The following SPIRE1 variants were observed in gnomAD, a reference collection of about 807,000 sequenced individuals.
SPIRE1 encodes spire type actin nucleation factor 1.
In SPIRE1, 40 loss-of-function variants were observed where a neutral mutation model predicts 94.1. The ratio of observed to expected loss-of-function variants is 0.43; its 90% CI spans 0.33 to 0.55. The LOEUF (loss-of-function observed/expected upper bound fraction) is 0.55. Among genes scored for constraint, SPIRE1 ranks in the 20% least tolerant of loss-of-function variants. The pLI is 0.06. For missense variants in SPIRE1, 838 were observed against 975.2 expected (o/e 0.86, Z 1.87); for synonymous variants, 376 against 371.7 (o/e 1.01, Z -0.13).
At chr18:12,579,190 CACACACACAT>C (rs766449281) in intron 2 of SPIRE1, among the ~76,000 whole-genome samples, 1,388 of 77,470 alleles carry the variant, frequency 0.018, 11 homozygotes, top group African/African-American at 0.03. Flanking sequence ...AAAGTTTACA[CACACACACAT>C]ACACACACAC....
chr18:12,643,414 A>G (rs1265662450), intron 1 of SPIRE1, among the ~76,000 whole-genome samples: 1 of 152,252 alleles, frequency 6.6e-6, no homozygotes, highest in African/African-American at 2.4e-5. Flanking sequence ...ATGTTCTACT[A>G]TTCCCTATCA....
At chr18:12,507,865 G>A (rs575006295) in intron 5 of SPIRE1, among the ~76,000 whole-genome samples, 1 of 152,168 alleles carries the variant, frequency 6.6e-6, no homozygotes, top group East Asian at 1.9e-4. Flanking sequence ...CAAGTGACAT[G>A]GCTGAGCGCA....
intron 2 of SPIRE1, among the ~76,000 whole-genome samples, chr18:12,548,641 T>C (rs530529581): frequency 3.3e-5 from 5 of 151,262 alleles, no homozygotes; most frequent in Non-Finnish European, 7.4e-5. Flanking sequence ...AGACAAGGTC[T>C]CACTCTGTCA....
rs1250856426 is a variant in SPIRE1, at chr18:12,535,613, G to A, written c.604-12C>T. The A allele has an allele frequency of 1.2e-6, 2 of 1,602,610 alleles. No individual in the cohort carries two copies. The highest frequency in any genetic ancestry group is 1.7e-6 in the Non-Finnish European group (2 of 1,173,802). On this transcript the variant is annotated splice_polypyrimidine_tract_variant and intron_variant, in intron 3 of 16. Coordinates refer to ENST00000409402, the MANE Select transcript of SPIRE1 (RefSeq NM_001128626.2). ...TGAGCAGCACACAACTATAGAAGGG[G>A]AAAATAAAATAATGGTGCTTGGTTA...
At chr18:12,516,155 T>C (rs370063032) in intron 4 of SPIRE1, 90 of 152,306 alleles carry the variant, frequency 5.9e-4, no homozygotes, top group African/African-American at 1.9e-3. Flanking sequence ...AGCATTAATT[T>C]TTCAAGAAAG....
chr18:12,550,797 C>A (rs183122088), intron 2 of SPIRE1, among the ~76,000 whole-genome samples: 1 of 152,326 alleles, frequency 6.6e-6, no homozygotes, highest in Admixed American at 6.5e-5. Context: ...CCATTCTCAT[C>A]CTAAATGACT....
At position 12,596,645 on chromosome 18, in the gene SPIRE1, A is replaced by C. The variant is rs2036678163; in HGVS notation, c.372+38417T>G. Among the ~76,000 whole-genome samples, 3 of 152,168 alleles carry C rather than the reference A, an allele frequency of 2.0e-5. No homozygotes were observed. In the South Asian group the frequency reaches 6.2e-4, roughly 31 times the overall value. ...CTCATATAAAATTCCATATATTATA[A>C]TGATTATGGCATTGGATCTAATTTT... On this transcript the variant is annotated intron_variant, in intron 2 of 16. Transcript: ENST00000409402.
At chr18:12,571,161 G>A (rs997475632) in intron 2 of SPIRE1, among the ~76,000 whole-genome samples, 8 of 151,994 alleles carry the variant, frequency 5.3e-5, no homozygotes, top group South Asian at 2.1e-4. Flanking sequence ...TGCAACCTCC[G>A]CTTCCTGGGT....
chr18:12,474,883 T>C (rs1037078136), intron 10 of SPIRE1, among the ~76,000 whole-genome samples: 3 of 151,896 alleles, frequency 2.0e-5, no homozygotes, highest in Non-Finnish European at 4.4e-5. Flanking sequence ...AGAGGGAAAA[T>C]GGGGAAGTAG....
chr18:12,461,587 A>ATGTATGTATGTATG (rs1598892650), intron 12 of SPIRE1, among the ~76,000 whole-genome samples: 2 of 147,406 alleles, frequency 1.4e-5, no homozygotes, highest in Non-Finnish European at 3.0e-5. Context: ...ACATATGTAT[A>ATGTATGTATGTATG]TACATACATA....
intron 8 of SPIRE1, among the ~76,000 whole-genome samples, chr18:12,491,738 C>A (rs940002206): frequency 3.3e-5 from 5 of 152,150 alleles, no homozygotes; most frequent in African/African-American, 7.2e-5. Context: ...GAAGGTCACA[C>A]AACAGAAGGG....
upstream of SPIRE1, chr18:12,658,206 G>A (rs190716086): frequency 5.3e-4 from 323 of 610,370 alleles, 2 homozygotes; most frequent in African/African-American, 6.0e-3. Flanking sequence ...CGCTCTGGAG[G>A]TGAGGACCAG....
rs529668495 is a variant in SPIRE1, at chr18:12,471,091, C to T, written c.1405-6133G>A. Among the ~76,000 whole-genome samples the T allele has an allele frequency of 6.3e-3, 827 of 131,948 alleles. 1 individual carries two copies. Among genetic ancestry groups the T allele is most frequent in the Non-Finnish European group, 9.9e-3 (631 of 63,838 alleles). The allele number at this position is 131,948 out of a possible 152,430, so 86.6% of individuals were successfully genotyped here. A position where few individuals can be genotyped will look rare whatever the true frequency, so the allele number is the denominator to read the frequency against. The stretch of plus-strand genomic sequence containing the variant: ...AGCTTTGATATGGCTACAATCAAAA[C>T]TCATCTTTCAGTAAAAAAAAAAAAA... On this transcript the variant is annotated intron_variant, in intron 10 of 16. Coordinates refer to ENST00000409402, the MANE Select transcript of SPIRE1 (RefSeq NM_001128626.2).
chr18:12,472,294 A>T (rs1302174339), intron 10 of SPIRE1, among the ~76,000 whole-genome samples: 1 of 150,314 alleles, frequency 6.7e-6, no homozygotes, highest in Non-Finnish European at 1.5e-5. Context: ...ACAACTAAAA[A>T]CCCCAGCAAC....
At chr18:12,609,089 T>C (rs2037066173) in intron 2 of SPIRE1, among the ~76,000 whole-genome samples, 1 of 152,262 alleles carries the variant, frequency 6.6e-6, no homozygotes, top group East Asian at 1.9e-4. Context: ...ACAATAGGGT[T>C]CGAGCTTCTA....
intron 2 of SPIRE1, among the ~76,000 whole-genome samples, chr18:12,606,892 G>T (rs1039706645): frequency 6.6e-6 from 1 of 152,148 alleles, no homozygotes; most frequent in Non-Finnish European, 1.5e-5. Context: ...TAATTAAACA[G>T]CTGACTTACT....
intron 10 of SPIRE1, among the ~76,000 whole-genome samples, chr18:12,473,498 T>C (rs917039789): frequency 6.6e-6 from 1 of 152,106 alleles, no homozygotes; most frequent in African/African-American, 2.4e-5. Flanking sequence ...GTAAATAAAA[T>C]ACAGTAGGTT....
At chr18:12,620,756 G>C (rs2037443048) in intron 2 of SPIRE1, among the ~76,000 whole-genome samples, 1 of 152,106 alleles carries the variant, frequency 6.6e-6, no homozygotes, top group Non-Finnish European at 1.5e-5. Context: ...TGGATTTTTA[G>C]ATATGGCACC....
chr18:12,654,457 T>A (rs74517485), intron 1 of SPIRE1, among the ~76,000 whole-genome samples: 10,836 of 139,366 alleles, frequency 0.078, 545 homozygotes, highest in Non-Finnish European at 0.11. Flanking sequence ...CCATCCTGGC[T>A]AACATGGTGA....
Sources: allele counts gnomAD v4.1 joint callset (sites outside exome capture counted in the v4.1 genomes callset), GRCh38; gene constraint gnomAD v4.1.1; transcripts MANE v1.5; gene names NCBI Gene and HGNC (gene_info 2026-07-23, HGNC 2026-07-21).